The following TRIP4 variants were observed in gnomAD, a reference collection of about 807,000 sequenced individuals.
TRIP4 encodes the protein thyroid hormone receptor interactor 4.
Under a neutral mutation model 81.8 loss-of-function variants are expected in TRIP4, and 54 were observed. That is an observed-to-expected ratio of 0.66 (90% CI 0.53 to 0.83). The LOEUF (loss-of-function observed/expected upper bound fraction) is 0.83, where lower values mean the gene tolerates loss of function less well. TRIP4 is among the 40% of genes least tolerant of loss of function. The pLI, the probability that TRIP4 is intolerant of heterozygous loss-of-function variation, is 0.00. For synonymous variants in TRIP4, 270 were observed against 242.8 expected (o/e 1.11, Z -1.04); for missense variants, 662 against 683.6 (o/e 0.97, Z 0.35).
chr15:64,421,214 G>A (rs905391549), intron 9 of TRIP4, among the ~76,000 whole-genome samples: 5 of 151,186 alleles, frequency 3.3e-5, no homozygotes, highest in African/African-American at 1.2e-4. Flanking sequence ...CCCGGGAGGT[G>A]GAGGTTGCAG....
Position 64,424,140 on chromosome 15 carries a change from C to T in TRIP4, c.1468C>T (p.Leu490Phe), listed in dbSNP as rs1892085178. ...CTCAGAACTCCAGGCTACATATCGT[C>T]TTCTTCGTGGGAAAGGTAACAGCCG... ...EVSELQATYR[L>F]LRGKDVEFPN... Residue 490 changes from leucine (L) to phenylalanine (F), a missense_variant, in exon 10 of 13, where the codon CTT (leucine) becomes TTT (phenylalanine). By Grantham distance (22) the Leu-to-Phe change is conservative (BLOSUM62 0). Transcript: ENST00000261884. The T allele has an allele frequency of 6.2e-7, 1 of 1,614,194 alleles. No individual in the cohort carries two copies.
intron 11 of TRIP4, among the ~76,000 whole-genome samples, chr15:64,439,317 T>A (rs1892466350): frequency 6.6e-6 from 1 of 152,108 alleles, no homozygotes; most frequent in Admixed American, 6.6e-5. Context: ...TTTCCTTCTC[T>A]CTTTCTGCAT....
chr15:64,398,060 C>A (rs748022651), intron 4 of TRIP4, among the ~76,000 whole-genome samples: 1 of 152,014 alleles, frequency 6.6e-6, no homozygotes. Flanking sequence ...GCCACCACGC[C>A]CAGCTAATTT....
intron 11 of TRIP4, among the ~76,000 whole-genome samples, chr15:64,433,338 A>G (rs1473210499): frequency 6.6e-6 from 1 of 152,160 alleles, no homozygotes; most frequent in East Asian, 1.9e-4. Context: ...GGGATGAAAT[A>G]TCATCCCTAA....
rs1384407381 is a variant in TRIP4 at position 64,413,377 on chromosome 15, A to G, written c.1044-708A>G. ...TTTTTTGTAGAACCAGGGTCTCTCT[A>G]TGTTGCCCAAGCTGGTCTCAAACTC... On this transcript the variant is annotated intron_variant, in intron 7 of 12. Coordinates refer to ENST00000261884, the MANE Select transcript of TRIP4 (RefSeq NM_016213.5). Among the ~76,000 whole-genome samples, 8 of 151,642 alleles carry G rather than the reference A, an allele frequency of 5.3e-5. No individual in the cohort carries two copies. The South Asian group carries it at 1.5e-3, about 28-fold the overall frequency.
chr15:64,440,273 C>G (rs1455711638), intron 11 of TRIP4, among the ~76,000 whole-genome samples: 1 of 151,748 alleles, frequency 6.6e-6, no homozygotes, highest in African/African-American at 2.4e-5. Flanking sequence ...AATGTGACAT[C>G]CAGAGCTTAT....
intron 8 of TRIP4, among the ~76,000 whole-genome samples, chr15:64,418,234 C>T (rs1891929412): frequency 6.6e-6 from 1 of 152,158 alleles, no homozygotes; most frequent in Non-Finnish European, 1.5e-5. Flanking sequence ...GCCTCTGCCT[C>T]ATGAGTAGCT....
rs759897974 is a variant in TRIP4 at position 64,425,595 on chromosome 15, A to C, written c.1539A>C (p.Leu513=). 7 of 1,612,326 alleles carry C rather than the reference A, an allele frequency of 4.3e-6. No homozygotes were observed. In the East Asian group the frequency reaches 8.9e-5, roughly 21 times the overall value. The change falls in exon 11 of 13, where the codon CTA becomes CTC. Residue 513 remains leucine (L), a synonymous_variant. Transcript: ENST00000261884. Reference sequence around the variant, plus strand: ...GTTGTCTTCTGGGCTGTGTGGACCTAATTGACTGCTTGTCCCAGAAGCAAT... The same window carrying C: ...GTTGTCTTCTGGGCTGTGTGGACCTCATTGACTGCTTGTCCCAGAAGCAAT... The part of the protein sequence containing the change: ...PSGCLLGCVD[L]IDCLSQKQFK...
intron 10 of TRIP4, 26 bp downstream of exon 10, chr15:64,424,181 A>G (rs369909752): frequency 1.8e-5 from 29 of 1,613,176 alleles, no homozygotes; most frequent in Middle Eastern, 3.3e-4. Context: ...TCTCCTTTCA[A>G]TTTTACTTTA....
At chr15:64,413,546 C>G (rs1891817661) in intron 7 of TRIP4, among the ~76,000 whole-genome samples, 1 of 151,744 alleles carries the variant, frequency 6.6e-6, no homozygotes, top group Non-Finnish European at 1.5e-5. Flanking sequence ...GTAGCGTGCC[C>G]TATGTATTTT....
At chr15:64,413,025 C>T (rs1891801912) in intron 7 of TRIP4, among the ~76,000 whole-genome samples, 1 of 151,956 alleles carries the variant, frequency 6.6e-6, no homozygotes, top group Non-Finnish European at 1.5e-5. Flanking sequence ...TTGTTCTGGG[C>T]CAGTAGGGTA....
At chr15:64,405,898 G>A (rs1233592168) in intron 5 of TRIP4, among the ~76,000 whole-genome samples, 1 of 152,146 alleles carries the variant, frequency 6.6e-6, no homozygotes, top group African/African-American at 2.4e-5. Flanking sequence ...AAGCTGAGGT[G>A]GAAGGATCGC....
At chr15:64,406,028 GTCT>G (rs1294823639) in intron 5 of TRIP4, among the ~76,000 whole-genome samples, 2 of 152,194 alleles carry the variant, frequency 1.3e-5, no homozygotes, top group African/African-American at 4.8e-5. Context: ...TTGAGCAAAT[GTCT>G]TCTTCACTGA....
intron 3 of TRIP4, among the ~76,000 whole-genome samples, chr15:64,396,366 T>A (rs1007809440): frequency 1.4e-5 from 2 of 145,404 alleles, no homozygotes. Flanking sequence ...AACCTCTGCC[T>A]CCCTGGTTCA....
intron 6 of TRIP4, among the ~76,000 whole-genome samples, chr15:64,407,880 T>C (rs1313988025): frequency 6.6e-6 from 1 of 151,932 alleles, no homozygotes; most frequent in Non-Finnish European, 1.5e-5. Context: ...ACGGATTGCT[T>C]GAGCCTGTAA....
chr15:64,437,740 C>T (rs1358911956), intron 11 of TRIP4, among the ~76,000 whole-genome samples: 1 of 152,160 alleles, frequency 6.6e-6, no homozygotes, highest in Non-Finnish European at 1.5e-5. Flanking sequence ...GTGATTCACC[C>T]GCCTGGGGTT....
At chr15:64,426,591 T>A (rs767939110) in intron 11 of TRIP4, among the ~76,000 whole-genome samples, 2 of 151,064 alleles carry the variant, frequency 1.3e-5, no homozygotes, top group Non-Finnish European at 2.9e-5. Context: ...TCCCAGCTAC[T>A]CAGGAGGCTG....
intron 11 of TRIP4, among the ~76,000 whole-genome samples, chr15:64,426,385 T>G (rs551275399): frequency 6.6e-6 from 1 of 152,148 alleles, no homozygotes. Context: ...CATTTATATA[T>G]TTTAATTTTT....
chr15:64,416,665 A>G (rs895902397), intron 8 of TRIP4, among the ~76,000 whole-genome samples: 1 of 152,130 alleles, frequency 6.6e-6, no homozygotes, highest in Admixed American at 6.6e-5. Flanking sequence ...TATGTAGTCA[A>G]TTCTGCCTTA....
Sources: allele counts gnomAD v4.1 joint callset (sites outside exome capture counted in the v4.1 genomes callset), GRCh38; gene constraint gnomAD v4.1.1; transcripts MANE v1.5; gene names NCBI Gene and HGNC (gene_info 2026-07-23, HGNC 2026-07-21).